Variants in RMC1 observed in about 807,000 individuals in gnomAD.
RMC1 encodes the protein regulator of MON1-CCZ1 complex.
A neutral mutation model predicts 95.5 loss-of-function variants in RMC1; 44 were observed. The observed-to-expected ratio is 0.46, with a 90% CI of 0.36 to 0.59. The LOEUF (loss-of-function observed/expected upper bound fraction) is 0.59. RMC1 is among the 20% of genes least tolerant of loss of function. The pLI is 0.00. For missense variants in RMC1, 705 were observed against 819.6 expected (o/e 0.86, Z 1.71); for synonymous variants, 320 against 303.6 (o/e 1.05, Z -0.56).
chr18:23,527,166 C>T (rs1400879568), intron 13 of RMC1, among the ~76,000 whole-genome samples: 1 of 142,894 alleles, frequency 7.0e-6, no homozygotes, highest in East Asian at 2.0e-4. Context: ...GGAGGATTGC[C>T]TGAGCCTAGG....
intron 3 of RMC1, among the ~76,000 whole-genome samples, chr18:23,507,369 C>T (rs1015359542): frequency 6.6e-6 from 1 of 152,184 alleles, no homozygotes; most frequent in Admixed American, 6.5e-5. Context: ...AAGTGATTCT[C>T]TCGCCTCAGT....
At chr18:23,511,015 G>A (rs1341905684) in intron 5 of RMC1, among the ~76,000 whole-genome samples, 1 of 152,184 alleles carries the variant, frequency 6.6e-6, no homozygotes, top group African/African-American at 2.4e-5. Flanking sequence ...TACCATAAAG[G>A]CACATGCACG....
intron 15 of RMC1, 91 bp downstream of exon 15, chr18:23,529,389 C>A: frequency 1.3e-6 from 2 of 1,501,168 alleles, no homozygotes; most frequent in South Asian, 2.7e-5. Context: ...ATTAGAGTCA[C>A]TTGAAGTGAT....
intron 13 of RMC1, 41 bp from the exon 14 acceptor site, chr18:23,527,751 CATG>C (rs1391956152): frequency 6.8e-7 from 1 of 1,478,758 alleles, no homozygotes; most frequent in South Asian, 1.1e-5. Context: ...CTGAAGCTGA[CATG>C]AAGTTGGTTT....
Position 23,503,626 on chromosome 18 carries a change from A to AGGAGGACTACTATCT in RMC1, c.13_27dup (p.Asp5_Glu9dup), listed in dbSNP as rs749998304. 7.0e-5 allele frequency: 109 copies of AGGAGGACTACTATCT among 1,560,504 alleles called. No individual in the cohort carries two copies. The highest frequency in any genetic ancestry group is 9.0e-5 in the Non-Finnish European group (104 of 1,154,326). On this transcript the variant is annotated inframe_insertion, in exon 1 of 20. Transcript: ENST00000269221. ...GCGGGCGCGGCGCCCGCCATGGGCG[A>AGGAGGACTACTATCT]GGAGGACTACTATCTGGAGCTGTGC...
chr18:23,525,688 G>T (rs982737015), intron 12 of RMC1, among the ~76,000 whole-genome samples: 1 of 152,128 alleles, frequency 6.6e-6, no homozygotes, highest in African/African-American at 2.4e-5. Context: ...CTCCCAAAGT[G>T]CTGGGATTAC....
rs754722071 is a variant in RMC1, at chr18:23,516,279, G to T, written c.550-41G>T. 6 of 1,587,828 alleles carry T rather than the reference G, an allele frequency of 3.8e-6. No individual in the cohort carries two copies. In the Admixed American group the frequency reaches 5.0e-5, roughly 13 times the overall value. On this transcript the variant is annotated intron_variant, in intron 6 of 19. Coordinates refer to ENST00000269221, the MANE Select transcript of RMC1 (RefSeq NM_013326.5). Reference sequence around the variant, plus strand: ...ACAGGGAATGATGAAACATTGAAGGGGTTTAATAAGCTTTTCCTAAAACAT... The same window carrying T: ...ACAGGGAATGATGAAACATTGAAGGTGTTTAATAAGCTTTTCCTAAAACAT...
In RMC1 at chr18:23,525,607, T is replaced by C. The variant is rs1216089887; in HGVS notation, c.1061-1030T>C. On this transcript the variant is annotated intron_variant, in intron 12 of 19. Coordinates refer to ENST00000269221, the MANE Select transcript of RMC1 (RefSeq NM_013326.5). ...ACCCAGCTAATTTTTGTATTTTTAGTAGATACGGGGTTTCACCATGTTGGC... is the reference window on the plus strand; with the variant it reads ...ACCCAGCTAATTTTTGTATTTTTAGCAGATACGGGGTTTCACCATGTTGGC... 2.0e-5 allele frequency among the ~76,000 whole-genome samples: 3 copies of C among 152,184 alleles called. No individual in the cohort carries two copies. The East Asian group carries it at 5.8e-4, about 30-fold the overall frequency.
At chr18:23,529,805 C>A (rs2058434999) in intron 16 of RMC1, 93 bp downstream of exon 16, 1 of 1,280,690 alleles carries the variant, frequency 7.8e-7, no homozygotes, top group Non-Finnish European at 1.1e-6. Flanking sequence ...TATGCTAAGA[C>A]AGGTCTGCCT....
chr18:23,514,327 C>T (rs2057942020), intron 5 of RMC1, among the ~76,000 whole-genome samples: 3 of 152,164 alleles, frequency 2.0e-5, no homozygotes, highest in South Asian at 2.1e-4. Flanking sequence ...CCAGCCTGGC[C>T]GCCATGGCGA....
intron 4 of RMC1, chr18:23,508,522 G>A (rs2057769544): frequency 6.6e-6 from 1 of 152,580 alleles, no homozygotes; most frequent in African/African-American, 2.4e-5. Context: ...GAGATTTGCT[G>A]GGTGTAGTAA....
intron 14 of RMC1, chr18:23,528,884 C>CTT (rs112216095): frequency 3.2e-4 from 81 of 253,744 alleles, no homozygotes; most frequent in Middle Eastern, 1.3e-3. Context: ...ATCTGAACTG[C>CTT]TTTTTTTTTT....
Position 23,506,876 on chromosome 18 carries a change from C to G in RMC1, c.180-94C>G, listed in dbSNP as rs970562285. ...TTAATTTTAGACTAGAATTTGCTGC[C>G]TCCTGAATATAGATTGTGTCTTTTG... On this transcript the variant is annotated intron_variant, in intron 2 of 19. Coordinates refer to ENST00000269221, the MANE Select transcript of RMC1 (RefSeq NM_013326.5). The G allele has an allele frequency of 9.3e-6, 8 of 859,862 alleles. No homozygotes were observed. In the African/African-American group the frequency reaches 1.0e-4, roughly 11 times the overall value. The allele number at this position is 859,862 out of a possible 1,614,324, so 53.3% of individuals were successfully genotyped here.
rs2058311567 is a variant in RMC1 at position 23,526,823 on chromosome 18, A to G, written c.1189+58A>G. The G allele has an allele frequency of 5.7e-6, 9 of 1,582,164 alleles. No homozygotes were observed. In the Admixed American group the frequency reaches 1.6e-4, roughly 28 times the overall value. Reference sequence around the variant, plus strand: ...CAGTGTGAGGCCTGTGCTGCCCAACACTTTTTATCGGGATGTGGGCTACAT... The same window carrying G: ...CAGTGTGAGGCCTGTGCTGCCCAACGCTTTTTATCGGGATGTGGGCTACAT... On this transcript the variant is annotated intron_variant, in intron 13 of 19. Coordinates refer to ENST00000269221, the MANE Select transcript of RMC1 (RefSeq NM_013326.5).
intron 5 of RMC1, among the ~76,000 whole-genome samples, chr18:23,511,248 A>T (rs8094509): frequency 0.75 from 113,919 of 152,094 alleles, 43,799 homozygotes; most frequent in East Asian, 0.92. Context: ...ATACCACATG[A>T]TCTCACTTCT....
At position 23,530,512 on chromosome 18, in the gene RMC1, T is replaced by G; in HGVS notation, c.1794T>G (p.Asp598Glu). Reference sequence around the variant, plus strand: ...ACATTTCTGCACGAAAATTTTTAGATGCTGCAAAGCAGACTGAAGACAACA... The same window carrying G: ...ACATTTCTGCACGAAAATTTTTAGAGGCTGCAAAGCAGACTGAAGACAACA... Reference protein sequence around the residue: ...HDNISARKFLDAAKQTEDNML... With the variant: ...HDNISARKFLEAAKQTEDNML... Residue 598 changes from aspartate (D) to glutamate (E), a missense_variant, in exon 19 of 20, where the codon GAT becomes GAG. Coordinates refer to ENST00000269221, the MANE Select transcript of RMC1 (RefSeq NM_013326.5). 6.2e-7 allele frequency: 1 copy of G among 1,614,264 alleles called. No homozygotes were observed. The highest frequency in any genetic ancestry group is 1.1e-5 in the South Asian group (1 of 91,092).
At chr18:23,508,479 T>G (rs1417431323) in intron 4 of RMC1, among the ~76,000 whole-genome samples, 17 of 152,228 alleles carry the variant, frequency 1.1e-4, no homozygotes. Context: ...TCTTTCTTTC[T>G]TCTCCTAGGT....
At chr18:23,510,113 A>C (rs569370855) in intron 5 of RMC1, among the ~76,000 whole-genome samples, 148 of 151,722 alleles carry the variant, frequency 9.8e-4, no homozygotes, top group African/African-American at 3.3e-3. Context: ...GCTTGAGTCC[A>C]GGAGTCTGAG....
intron 1 of RMC1, among the ~76,000 whole-genome samples, chr18:23,504,038 G>T (rs2057655464): frequency 6.6e-6 from 1 of 152,240 alleles, no homozygotes; most frequent in Non-Finnish European, 1.5e-5. Context: ...TCGTAGTCAA[G>T]GGTTTAGACG....
Sources: allele counts gnomAD v4.1 joint callset (sites outside exome capture counted in the v4.1 genomes callset), GRCh38; gene constraint gnomAD v4.1.1; transcripts MANE v1.5; gene names NCBI Gene and HGNC (gene_info 2026-07-23, HGNC 2026-07-21).